MED12L: variants seen among roughly 807,000 people sequenced by gnomAD.
The protein encoded by MED12L is mediator complex subunit 12L, also known as mediator of RNA polymerase II transcription subunit 12-like protein.
A neutral mutation model predicts 281.3 loss-of-function variants in MED12L; 60 were observed. The observed-to-expected ratio is 0.21, with a 90% CI of 0.17 to 0.26. The LOEUF (loss-of-function observed/expected upper bound fraction) is 0.26, where lower values mean the gene tolerates loss of function less well. MED12L is among the 10% of genes least tolerant of loss of function. The pLI is 1.00. For missense variants in MED12L, 2,146 were observed against 2,680.9 expected (o/e 0.80, Z 4.41); for synonymous variants, 974 against 987.2 (o/e 0.99, Z 0.25).
At chr3:151,107,894 C>A (rs1722275112) in intron 2 of MED12L, among the ~76,000 whole-genome samples, 2 of 152,092 alleles carry the variant, frequency 1.3e-5, no homozygotes, top group Non-Finnish European at 2.9e-5. Flanking sequence ...ATGTGACTCG[C>A]ACACTTAGAA....
Position 151,310,630 on chromosome 3 carries a change from TGA to T in MED12L, c.2251-39428_2251-39427del, listed in dbSNP as rs1215510085. 2.0e-5 allele frequency among the ~76,000 whole-genome samples: 3 copies of T among 152,354 alleles called. No homozygotes were observed. The East Asian group carries it at 5.8e-4, about 29-fold the overall frequency. On this transcript the variant is annotated intron_variant, in intron 16 of 44. Transcript: ENST00000687756. ...ATCCACCTTAAGGCCCAACACCATCTGATAGGGATGAATGCATTTGGTGAACT... is the reference window on the plus strand; with the variant it reads ...ATCCACCTTAAGGCCCAACACCATCTTAGGGATGAATGCATTTGGTGAACT...
rs939915370 is a variant in MED12L, at chr3:151,397,290, C to T, written c.5820+2423C>T. ...CTATGGAGTCTCTGAAGGGCTTTCA[C>T]AAGTAGGATATGTCTTTTTCTCTCA... On this transcript the variant is annotated intron_variant, in intron 39 of 44. Transcript: ENST00000687756. Among the ~76,000 whole-genome samples, 7 of 152,162 alleles carry T rather than the reference C, an allele frequency of 4.6e-5. No homozygotes were observed. The East Asian group carries it at 1.2e-3, about 25-fold the overall frequency.
At chr3:151,294,133 C>T in intron 16 of MED12L, 2 of 1,226,328 alleles carry the variant, frequency 1.6e-6, no homozygotes, top group Non-Finnish European at 2.3e-6. Context: ...TTTATTTACA[C>T]TTTGTACATA....
chr3:151,338,876 A>G, intron 16 of MED12L: 12 of 1,605,732 alleles, frequency 7.5e-6, no homozygotes, highest in East Asian at 2.2e-5. Context: ...AACAAAAGAG[A>G]GGATGGTTAT....
intron 16 of MED12L, chr3:151,294,373 G>T (rs771180891): frequency 2.5e-6 from 4 of 1,613,850 alleles, no homozygotes. Context: ...AGTAATATAG[G>T]ATTTTTTGTG....
chr3:151,215,420 C>T (rs1576994800), intron 16 of MED12L, among the ~76,000 whole-genome samples: 1 of 152,058 alleles, frequency 6.6e-6, no homozygotes, highest in African/African-American at 2.4e-5. Flanking sequence ...TAATATTCTA[C>T]AAATGCTCTA....
At position 151,432,810 on chromosome 3, in the gene MED12L, C is replaced by T. The variant is rs1211120106; in HGVS notation, c.*6C>T. ...GGCATCCTTCACACTTCTGAATCTGCAAGAGGAGAAGACATGACGTTTTAT... is the reference window on the plus strand; with the variant it reads ...GGCATCCTTCACACTTCTGAATCTGTAAGAGGAGAAGACATGACGTTTTAT... On this transcript the variant is annotated 3_prime_UTR_variant, in exon 45 of 45. Transcript: ENST00000687756. 6.2e-7 allele frequency: 1 copy of T among 1,610,370 alleles called. No homozygotes were observed. The highest frequency in any genetic ancestry group is 8.5e-7 in the Non-Finnish European group (1 of 1,177,320).
chr3:151,204,448 T>C (rs532799887), intron 16 of MED12L, among the ~76,000 whole-genome samples: 1 of 152,200 alleles, frequency 6.6e-6, no homozygotes, highest in Non-Finnish European at 1.5e-5. Context: ...CATATAATTA[T>C]TATTTTTGCC....
At chr3:151,252,147 C>T (rs1465657893) in intron 16 of MED12L, among the ~76,000 whole-genome samples, 1 of 152,128 alleles carries the variant, frequency 6.6e-6, no homozygotes, top group Non-Finnish European at 1.5e-5. Flanking sequence ...ACTCACCTTC[C>T]TGTGTTACCA....
intron 43 of MED12L, among the ~76,000 whole-genome samples, chr3:151,416,713 C>T (rs977662132): frequency 6.6e-6 from 1 of 152,122 alleles, no homozygotes; most frequent in Non-Finnish European, 1.5e-5. Flanking sequence ...TTTTCCTAAA[C>T]AATGATAAAA....
chr3:151,207,114 G>A (rs997936791), intron 16 of MED12L, among the ~76,000 whole-genome samples: 1 of 150,508 alleles, frequency 6.6e-6, no homozygotes, highest in African/African-American at 2.5e-5. Flanking sequence ...TGGTTATTCA[G>A]AGGTCTAATC....
At chr3:151,331,510 G>A (rs1750352230) in intron 16 of MED12L, among the ~76,000 whole-genome samples, 1 of 152,194 alleles carries the variant, frequency 6.6e-6, no homozygotes, top group South Asian at 2.1e-4. Flanking sequence ...ATTCACCAGT[G>A]CTTAGAATAA....
At chr3:151,096,711 T>C (rs1720766667) in intron 2 of MED12L, among the ~76,000 whole-genome samples, 1 of 152,200 alleles carries the variant, frequency 6.6e-6, no homozygotes, top group South Asian at 2.1e-4. Context: ...GGTGGATTGT[T>C]CTAACCATCT....
At chr3:151,426,760 C>T (rs908165690) in intron 43 of MED12L, among the ~76,000 whole-genome samples, 15 of 151,132 alleles carry the variant, frequency 9.9e-5, no homozygotes, top group African/African-American at 3.4e-4. Flanking sequence ...AAGTAACATG[C>T]TTTTATGAAA....
intron 11 of MED12L, among the ~76,000 whole-genome samples, chr3:151,183,262 C>T (rs946150718): frequency 2.6e-5 from 4 of 152,174 alleles, no homozygotes. Flanking sequence ...AAAACCTTCC[C>T]TGGATTGTCC....
intron 25 of MED12L, 48 bp from the exon 26 acceptor site, chr3:151,369,388 A>G: frequency 7.7e-7 from 1 of 1,299,822 alleles, no homozygotes; most frequent in Non-Finnish European, 1.1e-6. Context: ...ATTACAAAAC[A>G]TTACTAATGA....
At chr3:151,217,132 G>A (rs548240142) in intron 16 of MED12L, among the ~76,000 whole-genome samples, 8 of 152,216 alleles carry the variant, frequency 5.3e-5, no homozygotes, top group African/African-American at 1.9e-4. Context: ...GTGAAATATT[G>A]AATAATTTCC....
Position 151,190,851 on chromosome 3 carries a change from A to G in MED12L, c.1888A>G (p.Thr630Ala). ...CATATCTCGAGGAGATTTGTCAGTC[A>G]CTGCCTCAACTCGGCCGCGGTCACC... ...TLISRGDLSV[T>A]ASTRPRSPVG... The change falls in exon 14 of 45, where the codon ACT (threonine) becomes GCT (alanine). Residue 630 changes from threonine (T) to alanine (A), a missense_variant. By Grantham distance (58) the Thr-to-Ala change is moderately conservative (BLOSUM62 0). Coordinates refer to ENST00000687756, the MANE Select transcript of MED12L (RefSeq NM_001393769.1). 1 of 1,614,176 alleles carries G rather than the reference A, an allele frequency of 6.2e-7. No individual in the cohort carries two copies. Among genetic ancestry groups the G allele is most frequent in the Non-Finnish European group, 8.5e-7 (1 of 1,180,032 alleles).
chr3:151,392,781 G>GA (rs1417447274), intron 38 of MED12L, among the ~76,000 whole-genome samples: 1 of 152,150 alleles, frequency 6.6e-6, no homozygotes, highest in African/African-American at 2.4e-5. Context: ...AGGAGTAAGT[G>GA]AGGAAAGTAA....
Sources: gnomAD v4.1 joint callset for allele counts (sites outside exome capture counted in the v4.1 genomes callset) on GRCh38, gnomAD v4.1.1 for gene constraint, MANE v1.5 for transcripts, NCBI Gene and HGNC (gene_info 2026-07-23, HGNC 2026-07-21) for gene names.